PLD5: variants seen among roughly 807,000 people sequenced by gnomAD.
The protein encoded by PLD5 is phospholipase D family member 5.
A neutral mutation model predicts 61.1 loss-of-function variants in PLD5; 36 were observed. That is an observed-to-expected ratio of 0.59 (90% CI 0.45 to 0.78). The LOEUF (loss-of-function observed/expected upper bound fraction) is 0.78, where lower values mean the gene tolerates loss of function less well. Among genes scored for constraint, PLD5 ranks in the 30% least tolerant of loss-of-function variants. The pLI, the probability that PLD5 is intolerant of heterozygous loss-of-function variation, is 0.00. For synonymous variants in PLD5, 243 were observed against 242.8 expected (o/e 1.00, Z -0.01); for missense variants, 515 against 644.4 (o/e 0.80, Z 2.17).
At chr1:242,122,572 C>A (rs1426983869) in intron 6 of PLD5, among the ~76,000 whole-genome samples, 1 of 152,122 alleles carries the variant, frequency 6.6e-6, no homozygotes. Context: ...TCCTTGGCCT[C>A]CTGGTCTTAT....
At chr1:242,529,787 C>CTTCCTTCCTTCCTTCT in the PLD5 span, among the ~76,000 whole-genome samples, 228 of 122,806 alleles carry the variant, frequency 1.9e-3, 2 homozygotes, top group Middle Eastern at 3.9e-3. Context: ...ATCTTCCTTC[C>CTTCCTTCCTTCCTTCT]TTCCTTCCTT....
intron 1 of PLD5, among the ~76,000 whole-genome samples, chr1:242,416,573 G>A (rs1237811566): frequency 6.6e-6 from 1 of 152,102 alleles, no homozygotes; most frequent in East Asian, 1.9e-4. Flanking sequence ...AAATTTAAAG[G>A]ATGGCAAAAT....
At chr1:242,172,774 C>G (rs1666844071) in intron 5 of PLD5, among the ~76,000 whole-genome samples, 1 of 152,084 alleles carries the variant, frequency 6.6e-6, no homozygotes, top group South Asian at 2.1e-4. Context: ...ACCAGAAAAT[C>G]TAGAAGAAAT....
chr1:242,185,157 G>A (rs988150856), intron 5 of PLD5, among the ~76,000 whole-genome samples: 3 of 152,108 alleles, frequency 2.0e-5, no homozygotes, highest in African/African-American at 4.8e-5. Flanking sequence ...GTGTGTTCCC[G>A]AAATAAATGA....
chr1:242,520,448 C>A (rs1356075261), intron 1 of PLD5, among the ~76,000 whole-genome samples: 1 of 152,186 alleles, frequency 6.6e-6, no homozygotes, highest in Admixed American at 6.5e-5. Context: ...AGTTGTGCAT[C>A]TTGGTAACTG....
chr1:242,232,414 A>G (rs758807282), intron 4 of PLD5, among the ~76,000 whole-genome samples: 4 of 152,202 alleles, frequency 2.6e-5, no homozygotes, highest in African/African-American at 4.8e-5. Context: ...AAATTTTTAA[A>G]CAGTATTCAC....
chr1:242,470,012 G>A (rs952551559), intron 1 of PLD5, among the ~76,000 whole-genome samples: 5 of 152,108 alleles, frequency 3.3e-5, no homozygotes, highest in Admixed American at 2.6e-4. Context: ...CCAGCTTGAT[G>A]CACCAGGAAA....
intron 1 of PLD5, among the ~76,000 whole-genome samples, chr1:242,459,499 T>A (rs896297946): frequency 6.6e-6 from 1 of 152,194 alleles, no homozygotes; most frequent in East Asian, 1.9e-4. Context: ...GAAAAAATAT[T>A]CTTCAATCCA....
rs1170785898 is a variant in PLD5 at position 242,494,077 on chromosome 1, TC to T, written c.189+30010del. 8.8e-5 allele frequency among the ~76,000 whole-genome samples: 8 copies of T among 90,498 alleles called. 1 individual carries two copies. The highest frequency in any genetic ancestry group is 3.5e-4 in the African/African-American group (8 of 23,002). 59.4% of individuals were successfully genotyped at this position (90,498 alleles called of 152,430 possible). A position where few individuals can be genotyped will look rare whatever the true frequency, so the allele number is the denominator to read the frequency against. ...CATGTTTCCCTTCCCTCCACTCCCCTCCCCTGCCCTCCCTTCCCCTCTCCTC... is the reference window on the plus strand; with the variant it reads ...CATGTTTCCCTTCCCTCCACTCCCCTCCCTGCCCTCCCTTCCCCTCTCCTC... On this transcript the variant is annotated intron_variant, in intron 1 of 9. Transcript: ENST00000536534.
intron 1 of PLD5, among the ~76,000 whole-genome samples, chr1:242,520,026 G>A (rs1156850713): frequency 1.3e-5 from 2 of 152,204 alleles, no homozygotes; most frequent in African/African-American, 4.8e-5. Context: ...GCAGTCTTGT[G>A]AGAGCTGGTC....
chr1:242,236,476 G>A (rs141346711), intron 4 of PLD5, among the ~76,000 whole-genome samples: 5 of 151,772 alleles, frequency 3.3e-5, no homozygotes, highest in African/African-American at 7.3e-5. Flanking sequence ...AGTGTCTAGC[G>A]AGTCAAGAAT....
intron 4 of PLD5, among the ~76,000 whole-genome samples, chr1:242,238,867 T>C (rs868323315): frequency 7.9e-5 from 12 of 152,168 alleles, no homozygotes; most frequent in Non-Finnish European, 1.5e-4. Context: ...CAGGCTTTCG[T>C]TAAAGCTCAC....
intron 2 of PLD5, among the ~76,000 whole-genome samples, chr1:242,345,140 C>T (rs151168974): frequency 2.6e-5 from 4 of 152,136 alleles, no homozygotes; most frequent in African/African-American, 9.7e-5. Context: ...GGGGCACAGC[C>T]AAACCATATC....
Position 242,524,617 on chromosome 1 carries a change from T to G in PLD5, c.-341A>C. ...GGAACCTGCTCCGGGGAGACAGAAG[T>G]GCCCGGTGCGGCGGCGACGTCGCCC... On this transcript the variant is annotated 5_prime_UTR_variant, in exon 1 of 10. Coordinates refer to ENST00000536534, the MANE Select transcript of PLD5 (RefSeq NM_001372062.1). The G allele has an allele frequency of 4.2e-4, 72 of 173,148 alleles. No homozygotes were observed. Among genetic ancestry groups the G allele is most frequent in the East Asian group, 5.9e-4 (4 of 6,782 alleles). 10.7% of individuals were successfully genotyped at this position (173,148 alleles called of 1,614,324 possible). A position where few individuals can be genotyped will look rare whatever the true frequency, so the allele number is the denominator to read the frequency against.
chr1:242,132,432 T>C (rs951832979), intron 5 of PLD5, among the ~76,000 whole-genome samples: 1 of 152,162 alleles, frequency 6.6e-6, no homozygotes, highest in Non-Finnish European at 1.5e-5. Flanking sequence ...CAGTTTGTTG[T>C]TTCCATGATT....
chr1:242,368,582 G>T (rs1661466038), intron 1 of PLD5, among the ~76,000 whole-genome samples: 1 of 152,142 alleles, frequency 6.6e-6, no homozygotes, highest in Non-Finnish European at 1.5e-5. Context: ...TTAGGACCAG[G>T]TGTGGCATCT....
intron 2 of PLD5, among the ~76,000 whole-genome samples, chr1:242,315,028 A>G (rs1227263156): frequency 6.6e-6 from 1 of 152,208 alleles, no homozygotes; most frequent in Non-Finnish European, 1.5e-5. Flanking sequence ...CCATTTGGCC[A>G]AGCAGTTACT....
chr1:242,418,401 G>C (rs61845875), intron 1 of PLD5, among the ~76,000 whole-genome samples: 10,772 of 152,170 alleles, frequency 0.071, 536 homozygotes, highest in Admixed American at 0.14. Context: ...GAAGCTCAGG[G>C]GCAAGGTCTA....
intron 1 of PLD5, among the ~76,000 whole-genome samples, chr1:242,437,245 A>T (rs1484571558): frequency 2.0e-5 from 3 of 152,154 alleles, no homozygotes; most frequent in African/African-American, 7.2e-5. Flanking sequence ...ACTGAGGTGG[A>T]TCGGTATTAT....
Sources: allele counts gnomAD v4.1 joint callset (sites outside exome capture counted in the v4.1 genomes callset), GRCh38; gene constraint gnomAD v4.1.1; transcripts MANE v1.5; gene names NCBI Gene and HGNC (gene_info 2026-07-23, HGNC 2026-07-21).